ABLIM2: variants seen among roughly 807,000 people sequenced by gnomAD.
ABLIM2 encodes actin binding LIM protein family member 2, also known as actin-binding LIM protein 2.
A neutral mutation model predicts 97.7 loss-of-function variants in ABLIM2; 53 were observed. That is an observed-to-expected ratio of 0.54 (90% CI 0.44 to 0.68). The LOEUF (loss-of-function observed/expected upper bound fraction) is 0.68, where lower values mean the gene tolerates loss of function less well. Among genes scored for constraint, ABLIM2 ranks in the 30% least tolerant of loss-of-function variants. The pLI, the probability that ABLIM2 is intolerant of heterozygous loss-of-function variation, is 0.00. For missense variants in ABLIM2, 835 were observed against 867.2 expected (o/e 0.96, Z 0.47); for synonymous variants, 361 against 345.8 (o/e 1.04, Z -0.49).
At position 8,068,455 on chromosome 4, in the gene ABLIM2, G is replaced by A. The variant is rs1020623007; in HGVS notation, c.676-7401C>T. 2.6e-5 allele frequency among the ~76,000 whole-genome samples: 4 copies of A among 152,114 alleles called. No individual in the cohort carries two copies. The highest frequency in any genetic ancestry group is 5.9e-5 in the Non-Finnish European group (4 of 68,016). On this transcript the variant is annotated intron_variant, in intron 6 of 20. Transcript: ENST00000447017. This position sits in a 1 kb window ranked among gnomAD's most constrained non-coding sequence, Gnocchi z 4.5. ...GTCCCCACTGTGACGTGCAGAATAG[G>A]GCCAGCAGGACAGAGGTGTGGCAAA...
intron 8 of ABLIM2, among the ~76,000 whole-genome samples, chr4:8,051,090 G>C (rs1320324757): frequency 6.6e-6 from 1 of 152,244 alleles, no homozygotes. Context: ...CTGCCGCCTG[G>C]CCAGTCAGGC....
intron 12 of ABLIM2, among the ~76,000 whole-genome samples, chr4:8,024,631 G>C (rs756173828): frequency 4.6e-5 from 7 of 152,212 alleles, no homozygotes; most frequent in Non-Finnish European, 7.3e-5. Flanking sequence ...TGGCTGCAGA[G>C]GAGGACAGGC....
At position 8,043,192 on chromosome 4, in the gene ABLIM2, G is replaced by C. The variant is rs1789883834; in HGVS notation, c.900+1972C>G. On this transcript the variant is annotated intron_variant, in intron 9 of 20. Transcript: ENST00000447017. This position sits in a 1 kb window ranked among gnomAD's most constrained non-coding sequence, Gnocchi z 4.8. Reference sequence around the variant, plus strand: ...AAGGACAGTCCTCCCTGGGTCTTTGGACCTGCGTCCCTGAAGGCTCCTGTG... The same window carrying C: ...AAGGACAGTCCTCCCTGGGTCTTTGCACCTGCGTCCCTGAAGGCTCCTGTG... Among the ~76,000 whole-genome samples, 1 of 152,080 alleles carries C rather than the reference G, an allele frequency of 6.6e-6. No homozygotes were observed. Among genetic ancestry groups the C allele is most frequent in the Admixed American group, 6.6e-5 (1 of 15,266 alleles).
intron 12 of ABLIM2, among the ~76,000 whole-genome samples, chr4:8,025,999 G>T (rs1777078482): frequency 6.6e-6 from 1 of 152,198 alleles, no homozygotes; most frequent in Non-Finnish European, 1.5e-5. Flanking sequence ...GCCCTTTCTG[G>T]CTTTGCTTGT....
intron 12 of ABLIM2, among the ~76,000 whole-genome samples, chr4:8,026,707 C>T (rs890242391): frequency 6.6e-6 from 1 of 152,258 alleles, no homozygotes; most frequent in Non-Finnish European, 1.5e-5. Context: ...ATACCACAGC[C>T]TGTGTGGCTT....
chr4:8,087,509 G>A lies in ABLIM2; in HGVS notation c.454+660C>T, dbSNP rs1824461004. 2.0e-5 allele frequency among the ~76,000 whole-genome samples: 3 copies of A among 152,222 alleles called. No homozygotes were observed. Among genetic ancestry groups the A allele is most frequent in the Admixed American group, 2.0e-4 (3 of 15,284 alleles). Reference sequence around the variant, plus strand: ...AACCCAAGGGCCCCTGACTGCGGGAGCCCGGAGCTCAGTGTTCCTCTACAG... The same window carrying A: ...AACCCAAGGGCCCCTGACTGCGGGAACCCGGAGCTCAGTGTTCCTCTACAG... On this transcript the variant is annotated intron_variant, in intron 4 of 20. Transcript: ENST00000447017. This position sits in a 1 kb window ranked among gnomAD's most constrained non-coding sequence, Gnocchi z 4.6.
At chr4:8,073,353 CT>C (rs1813703979) in intron 6 of ABLIM2, among the ~76,000 whole-genome samples, 1 of 151,130 alleles carries the variant, frequency 6.6e-6, no homozygotes, top group South Asian at 2.1e-4. Flanking sequence ...GACAAGGCCG[CT>C]GTGTGGGCAG....
chr4:8,039,766 T>A (rs1413202988), intron 9 of ABLIM2, among the ~76,000 whole-genome samples: 1 of 151,934 alleles, frequency 6.6e-6, no homozygotes, highest in Non-Finnish European at 1.5e-5. Context: ...GTTATAAAAA[T>A]TACACACACA....
At chr4:8,152,127 A>G (rs1036035729) in intron 1 of ABLIM2, among the ~76,000 whole-genome samples, 17 of 152,156 alleles carry the variant, frequency 1.1e-4, no homozygotes, top group African/African-American at 4.1e-4. Flanking sequence ...AAGAAGCGCC[A>G]TCATGATGCC....
Position 8,127,801 on chromosome 4 carries a change from C to G in ABLIM2, c.11-21164G>C, listed in dbSNP as rs1044376503. 26 of 822,650 alleles carry G rather than the reference C, an allele frequency of 3.2e-5. No individual in the cohort carries two copies. The highest frequency in any genetic ancestry group is 3.7e-5 in the Non-Finnish European group (25 of 681,620). The allele number at this position is 822,650 out of a possible 1,614,324, so 51.0% of individuals were successfully genotyped here. A position where few individuals can be genotyped will look rare whatever the true frequency, so the allele number is the denominator to read the frequency against. ...CCCGCCACACTATGCGCCAGAGACA[C>G]ACCTGTCTCCCAGGCATCCGGGAAA... On this transcript the variant is annotated intron_variant, in intron 1 of 20. Transcript: ENST00000447017. This position sits in a 1 kb window ranked among gnomAD's most constrained non-coding sequence, Gnocchi z 7.3.
intron 1 of ABLIM2, among the ~76,000 whole-genome samples, chr4:8,137,190 C>G (rs1054785118): frequency 1.2e-4 from 18 of 152,240 alleles, no homozygotes; most frequent in Non-Finnish European, 1.9e-4. Flanking sequence ...ATACACTGAC[C>G]TGGGCACTCC....
rs989344333 is a variant in ABLIM2, at chr4:8,132,272, G to A, written c.11-25635C>T. On this transcript the variant is annotated intron_variant, in intron 1 of 20. Transcript: ENST00000447017. This position sits in a 1 kb window ranked among gnomAD's most constrained non-coding sequence, Gnocchi z 8.0. ...CAGCGCTGTGGCTGCCACCCATCAC[G>A]GGGGCATGGATGGGGTATAATTACT... Among the ~76,000 whole-genome samples, 5 of 152,038 alleles carry A rather than the reference G, an allele frequency of 3.3e-5. No homozygotes were observed. Among genetic ancestry groups the A allele is most frequent in the African/African-American group, 1.2e-4 (5 of 41,370 alleles).
chr4:8,109,645 C>A (rs374306277), intron 1 of ABLIM2, among the ~76,000 whole-genome samples: 3 of 152,196 alleles, frequency 2.0e-5, no homozygotes, highest in Non-Finnish European at 2.9e-5. Flanking sequence ...CTGGGTCATG[C>A]TGGGGCCGCA....
At chr4:8,129,890 T>C (rs1849119832) in intron 1 of ABLIM2, among the ~76,000 whole-genome samples, 1 of 152,196 alleles carries the variant, frequency 6.6e-6, no homozygotes, top group African/African-American at 2.4e-5. Context: ...TACCTAATCC[T>C]GAGAGGAGAC....
At chr4:8,066,250 G>A (rs1807222285) in intron 6 of ABLIM2, among the ~76,000 whole-genome samples, 1 of 149,406 alleles carries the variant, frequency 6.7e-6, no homozygotes, top group African/African-American at 2.5e-5. Context: ...AGCTTGCAGT[G>A]AGCCGAGATA....
At chr4:7,991,376 C>T (rs181719041) in intron 17 of ABLIM2, among the ~76,000 whole-genome samples, 1 of 146,374 alleles carries the variant, frequency 6.8e-6, no homozygotes, top group East Asian at 2.1e-4. Flanking sequence ...GGACCTCACT[C>T]GGATGGTGGA....
At position 8,022,486 on chromosome 4, in the gene ABLIM2, C is replaced by T. The variant is rs543087566; in HGVS notation, c.1268-2183G>A. Reference sequence around the variant, plus strand: ...GCCGCAGGGAAGCTGGGGACACAGCCATGTTGGCCCACCTCATTCTGGCCC... The same window carrying T: ...GCCGCAGGGAAGCTGGGGACACAGCTATGTTGGCCCACCTCATTCTGGCCC... On this transcript the variant is annotated intron_variant, in intron 12 of 20. Coordinates refer to ENST00000447017, the MANE Select transcript of ABLIM2 (RefSeq NM_001130083.2). This position sits in a 1 kb window ranked among gnomAD's most constrained non-coding sequence, Gnocchi z 7.8. Among the ~76,000 whole-genome samples the T allele has an allele frequency of 6.6e-6, 1 of 152,360 alleles. No individual in the cohort carries two copies. The highest frequency in any genetic ancestry group is 2.4e-5 in the African/African-American group (1 of 41,588).
chr4:8,014,951 C>T (rs1421326663), intron 14 of ABLIM2, among the ~76,000 whole-genome samples: 1 of 148,796 alleles, frequency 6.7e-6, no homozygotes, highest in Non-Finnish European at 1.5e-5. Context: ...GACAGAGTCT[C>T]GTTCTGTCAC....
In ABLIM2 at chr4:8,043,985, C is replaced by G. The variant is rs1199276921; in HGVS notation, c.900+1179G>C. On this transcript the variant is annotated intron_variant, in intron 9 of 20. Coordinates refer to ENST00000447017, the MANE Select transcript of ABLIM2 (RefSeq NM_001130083.2). This position sits in a 1 kb window ranked among gnomAD's most constrained non-coding sequence, Gnocchi z 4.8. ...GCTTCAGAGTGCACATCCCAAGCGC[C>G]ACAGTGCCACTCACTCTCCAGGCCA... Among the ~76,000 whole-genome samples the G allele has an allele frequency of 1.3e-5, 2 of 152,260 alleles. No homozygotes were observed. The highest frequency in any genetic ancestry group is 3.9e-4 in the East Asian group (2 of 5,158).
Sources: allele counts gnomAD v4.1 joint callset (sites outside exome capture counted in the v4.1 genomes callset), GRCh38; gene constraint gnomAD v4.1.1; non-coding constraint Gnocchi (gnomAD v3.1); transcripts MANE v1.5; gene names NCBI Gene and HGNC (gene_info 2026-07-23, HGNC 2026-07-21).